Variants in GLIS3 observed in about 807,000 individuals in gnomAD.
The protein encoded by GLIS3 is zinc finger protein GLIS3.
In GLIS3, 53 loss-of-function variants were observed where a neutral mutation model predicts 78.6. The ratio of observed to expected loss-of-function variants is 0.67; its 90% CI spans 0.54 to 0.85. GLIS3 has a LOEUF of 0.85. GLIS3 is among the 40% of genes least tolerant of loss of function. The pLI, the probability that GLIS3 is intolerant of heterozygous loss-of-function variation, is 0.00. For synonymous variants in GLIS3, 684 were observed against 509.9 expected (o/e 1.34, Z -4.60); for missense variants, 1,703 against 1,231.1 (o/e 1.38, Z -5.74).
At chr9:4,046,365 T>C (rs756309071) in intron 4 of GLIS3, among the ~76,000 whole-genome samples, 18 of 152,064 alleles carry the variant, frequency 1.2e-4, no homozygotes, top group Non-Finnish European at 2.2e-4. Flanking sequence ...AATGGTACAG[T>C]ATGGATCCAA....
chr9:4,466,587 C>A, the GLIS3 span, among the ~76,000 whole-genome samples: 1 of 152,108 alleles, frequency 6.6e-6, no homozygotes, highest in African/African-American at 2.4e-5. Context: ...GATAATACAT[C>A]ATAACCAATG....
At chr9:4,082,042 T>A (rs1216216546) in intron 4 of GLIS3, among the ~76,000 whole-genome samples, 1 of 152,210 alleles carries the variant, frequency 6.6e-6, no homozygotes, top group South Asian at 2.1e-4. Context: ...AGAATCGGAA[T>A]GGGAGCCCCA....
chr9:4,080,551 C>T (rs754581853), intron 4 of GLIS3, among the ~76,000 whole-genome samples: 1 of 152,028 alleles, frequency 6.6e-6, no homozygotes. Context: ...GTGTATTCTA[C>T]CCCATTTAAA....
At chr9:4,008,013 C>T (rs1274132504) in intron 4 of GLIS3, among the ~76,000 whole-genome samples, 1 of 152,126 alleles carries the variant, frequency 6.6e-6, no homozygotes, top group Admixed American at 6.5e-5. Context: ...CATATCCACA[C>T]TCCCTCTGCA....
chr9:4,255,950 A>G (rs761224012), intron 2 of GLIS3, among the ~76,000 whole-genome samples: 2 of 152,204 alleles, frequency 1.3e-5, no homozygotes, highest in African/African-American at 4.8e-5. Flanking sequence ...TGCTATGTAT[A>G]TATGCGTGCA....
chr9:4,308,536 G>T (rs917499295), intron 4 of GLIS3, among the ~76,000 whole-genome samples: 1 of 152,040 alleles, frequency 6.6e-6, no homozygotes, highest in Non-Finnish European at 1.5e-5. Context: ...TCCTCCCTGA[G>T]ATCTCCCCCA....
chr9:3,887,548 G>A (rs1822163593), intron 7 of GLIS3, among the ~76,000 whole-genome samples: 1 of 152,192 alleles, frequency 6.6e-6, no homozygotes, highest in African/African-American at 2.4e-5. Context: ...CTTACAAACA[G>A]ATATTCCCCC....
the GLIS3 span, among the ~76,000 whole-genome samples, chr9:4,387,934 T>C: frequency 1.3e-5 from 2 of 152,244 alleles, no homozygotes; most frequent in East Asian, 3.8e-4. Flanking sequence ...TATTTTAAAC[T>C]GTGGAAAAAC....
At chr9:4,084,374 T>C (rs183440059) in intron 4 of GLIS3, among the ~76,000 whole-genome samples, 4 of 151,922 alleles carry the variant, frequency 2.6e-5, no homozygotes, top group Admixed American at 2.6e-4. Context: ...TGAAGAACCT[T>C]TGGTAGAAAT....
chr9:4,200,658 G>T (rs1317824804), intron 2 of GLIS3, among the ~76,000 whole-genome samples: 1 of 151,610 alleles, frequency 6.6e-6, no homozygotes, highest in Non-Finnish European at 1.5e-5. Flanking sequence ...AATTGAATCA[G>T]AAAAAAACAA....
intron 4 of GLIS3, among the ~76,000 whole-genome samples, chr9:4,075,386 G>T (rs77759891): frequency 2.8e-5 from 4 of 142,358 alleles, no homozygotes; most frequent in Non-Finnish European, 6.0e-5. Context: ...GGCTAACAAG[G>T]TGAAACCCGT....
Position 3,825,710 on chromosome 9 carries a change from T to C in GLIS3, c.*2562A>G, listed in dbSNP as rs1418261372. On this transcript the variant is annotated 3_prime_UTR_variant, in exon 11 of 11. Coordinates refer to ENST00000381971, the MANE Select transcript of GLIS3 (RefSeq NM_001042413.2). ...CAAATTTTAAGGTCAGGAAAGACTC[T>C]CGAATCTAAGCATAGTGTGTGTAGT... 4 of 152,210 alleles carry C rather than the reference T, an allele frequency of 2.6e-5. No homozygotes were observed. Among genetic ancestry groups the C allele is most frequent in the African/African-American group, 9.7e-5 (4 of 41,450 alleles). 9.4% of individuals were successfully genotyped at this position (152,210 alleles called of 1,614,324 possible).
chr9:4,461,653 A>G, the GLIS3 span, among the ~76,000 whole-genome samples: 2 of 152,180 alleles, frequency 1.3e-5, no homozygotes, highest in African/African-American at 2.4e-5. Flanking sequence ...GCTTTGGCCA[A>G]TGAGATATGA....
At chr9:4,032,712 C>G (rs1208585897) in intron 4 of GLIS3, among the ~76,000 whole-genome samples, 1 of 152,090 alleles carries the variant, frequency 6.6e-6, no homozygotes, top group African/African-American at 2.4e-5. Context: ...TATATGGAAG[C>G]CCATATACCC....
chr9:3,909,804 A>C (rs1179053544), intron 6 of GLIS3, among the ~76,000 whole-genome samples: 1 of 152,218 alleles, frequency 6.6e-6, no homozygotes, highest in Non-Finnish European at 1.5e-5. Context: ...CTCTGTAGCA[A>C]CACTATCCAG....
the GLIS3 span, among the ~76,000 whole-genome samples, chr9:4,476,473 T>TGCCTCAGCCTCCC: frequency 5.3e-4 from 80 of 152,092 alleles, no homozygotes; most frequent in Middle Eastern, 6.8e-3. Context: ...GCGATCCTCC[T>TGCCTCAGCCTCCC]GCCTCAGCCT....
At chr9:4,056,044 T>A (rs1826131912) in intron 4 of GLIS3, among the ~76,000 whole-genome samples, 2 of 152,220 alleles carry the variant, frequency 1.3e-5, no homozygotes, top group Admixed American at 6.5e-5. Flanking sequence ...TACTAGGCCC[T>A]GTTTAGTTCC....
At chr9:4,121,290 T>G (rs1028591548) in intron 3 of GLIS3, among the ~76,000 whole-genome samples, 1 of 152,228 alleles carries the variant, frequency 6.6e-6, no homozygotes, top group African/African-American at 2.4e-5. Flanking sequence ...ATATACTGTC[T>G]GCAATGTGTC....
chr9:4,411,335 A>G, the GLIS3 span, among the ~76,000 whole-genome samples: 1 of 152,176 alleles, frequency 6.6e-6, no homozygotes, highest in Non-Finnish European at 1.5e-5. Context: ...ATTAGTCCAC[A>G]CGACCTCCCA....
Sources: allele counts gnomAD v4.1 joint callset (sites outside exome capture counted in the v4.1 genomes callset), GRCh38; gene constraint gnomAD v4.1.1; transcripts MANE v1.5; gene names NCBI Gene and HGNC (gene_info 2026-07-23, HGNC 2026-07-21).